COPS3: variants seen among roughly 807,000 people sequenced by gnomAD.
The protein encoded by COPS3 is COP9 signalosome subunit 3.
In COPS3, 10 loss-of-function variants were observed where a neutral mutation model predicts 58.2. That is an observed-to-expected ratio of 0.17 (90% CI 0.11 to 0.29). COPS3 has a LOEUF of 0.29. Among genes scored for constraint, COPS3 ranks in the 10% least tolerant of loss-of-function variants. The pLI, the probability that COPS3 is intolerant of heterozygous loss-of-function variation, is 1.00. For missense variants in COPS3, 333 were observed against 510.1 expected (o/e 0.65, Z 3.34); for synonymous variants, 187 against 181.7 (o/e 1.03, Z -0.24).
chr17:17,254,223 ACTT>A (rs748240871), intron 9 of COPS3, among the ~76,000 whole-genome samples: 12 of 148,800 alleles, frequency 8.1e-5, no homozygotes, highest in Non-Finnish European at 1.8e-4. Context: ...TGGGTGGATT[ACTT>A]AAACCCAGGG....
intron 8 of COPS3, 80 bp from the exon 9 acceptor site, chr17:17,255,025 G>C: frequency 2.1e-6 from 2 of 965,198 alleles, no homozygotes; most frequent in Non-Finnish European, 3.3e-6. Context: ...AGAGCGGCCA[G>C]GCGTGGTGGC....
chr17:17,266,758 C>T (rs2048231224), intron 5 of COPS3, among the ~76,000 whole-genome samples: 1 of 151,508 alleles, frequency 6.6e-6, no homozygotes, highest in South Asian at 2.1e-4. Context: ...TAGATCATGC[C>T]ACTGCACTCC....
At chr17:17,276,839 T>A (rs1044609632) in intron 1 of COPS3, among the ~76,000 whole-genome samples, 1 of 152,074 alleles carries the variant, frequency 6.6e-6, no homozygotes, top group Non-Finnish European at 1.5e-5. Flanking sequence ...ATCATAAATC[T>A]TCTAAATGGT....
At chr17:17,272,866 C>A (rs1395014500) in intron 2 of COPS3, among the ~76,000 whole-genome samples, 1 of 152,168 alleles carries the variant, frequency 6.6e-6, no homozygotes, top group African/African-American at 2.4e-5. Context: ...TAAGCCATTG[C>A]ACTCCAGCCT....
At chr17:17,257,197 C>T (rs2047994776) in intron 8 of COPS3, among the ~76,000 whole-genome samples, 1 of 151,838 alleles carries the variant, frequency 6.6e-6, no homozygotes, top group Non-Finnish European at 1.5e-5. Context: ...AACCCCGTGT[C>T]TACTAAAAAT....
intron 5 of COPS3, 141 bp downstream of exon 5, chr17:17,267,744 T>C (rs772021252): frequency 1.1e-4 from 75 of 655,300 alleles, no homozygotes; most frequent in Non-Finnish European, 1.6e-4. Context: ...CTGAATGTAA[T>C]AGATGTACCT....
intron 1 of COPS3, among the ~76,000 whole-genome samples, chr17:17,278,134 G>C (rs1434452161): frequency 6.6e-6 from 1 of 152,050 alleles, no homozygotes; most frequent in African/African-American, 2.4e-5. Flanking sequence ...CTGGGCAACA[G>C]AGCAAGACTC....
At chr17:17,280,808 T>C (rs1287534927) in intron 1 of COPS3, 3 of 1,246,380 alleles carry the variant, frequency 2.4e-6, no homozygotes, top group Non-Finnish European at 1.0e-6. Flanking sequence ...GAACCAATAG[T>C]CGCCCGAGAT....
At chr17:17,259,699 G>A (rs1218802487) in intron 8 of COPS3, among the ~76,000 whole-genome samples, 3 of 152,020 alleles carry the variant, frequency 2.0e-5, no homozygotes, top group South Asian at 2.1e-4. Context: ...GTTCGAGACC[G>A]CCTGGCCAAC....
At chr17:17,265,680 T>C (rs2048206234) in intron 5 of COPS3, among the ~76,000 whole-genome samples, 1 of 152,202 alleles carries the variant, frequency 6.6e-6, no homozygotes, top group Non-Finnish European at 1.5e-5. Flanking sequence ...ATTACAGGCG[T>C]GAGCCACCTC....
chr17:17,267,215 G>GC (rs1461049267), intron 5 of COPS3, among the ~76,000 whole-genome samples: 1 of 151,220 alleles, frequency 6.6e-6, no homozygotes, highest in Admixed American at 6.6e-5. Context: ...GCGGGCGCCT[G>GC]TAGTCCCAGC....
At chr17:17,277,558 C>T (rs1302066181) in intron 1 of COPS3, among the ~76,000 whole-genome samples, 1 of 151,844 alleles carries the variant, frequency 6.6e-6, no homozygotes, top group Non-Finnish European at 1.5e-5. Context: ...GCTGGAACTA[C>T]AGGTGTACGT....
chr17:17,253,383 A>C (rs940078660), intron 9 of COPS3, among the ~76,000 whole-genome samples: 10 of 152,202 alleles, frequency 6.6e-5, no homozygotes, highest in African/African-American at 2.2e-4. Context: ...GGTAGATTAC[A>C]ATACATCAAT....
intron 4 of COPS3, among the ~76,000 whole-genome samples, chr17:17,268,284 A>G (rs2048271123): frequency 6.6e-6 from 1 of 152,228 alleles, no homozygotes; most frequent in Admixed American, 6.5e-5. Context: ...ATTAACATCT[A>G]AACAAATGAA....
chr17:17,254,353 A>G (rs575260196), intron 9 of COPS3, among the ~76,000 whole-genome samples: 7 of 151,828 alleles, frequency 4.6e-5, no homozygotes, highest in African/African-American at 1.4e-4. Flanking sequence ...CCTGATGTGT[A>G]TATCATATGA....
chr17:17,260,802 C>CA (rs374998521), intron 7 of COPS3: 12,826 of 89,476 alleles, frequency 0.14, 1,016 homozygotes, highest in African/African-American at 0.31. Context: ...AACTCCGTCT[C>CA]AAAAAAAAAA....
At chr17:17,265,102 G>C in intron 5 of COPS3, 121 bp from the exon 6 acceptor site, 1 of 847,670 alleles carries the variant, frequency 1.2e-6, no homozygotes, top group Non-Finnish European at 1.8e-6. Context: ...ACATTTTATT[G>C]ACTAAAATTA....
At position 17,260,471 on chromosome 17, in the gene COPS3, G is replaced by A; in HGVS notation, c.766C>T (p.Leu256Phe). The A allele has an allele frequency of 6.2e-7, 1 of 1,613,942 alleles. No homozygotes were observed. Among genetic ancestry groups the A allele is most frequent in the Non-Finnish European group, 8.5e-7 (1 of 1,179,898 alleles). The change falls in exon 8 of 12, where the codon CTT becomes TTT. Residue 256 changes from leucine (L) to phenylalanine (F), a missense_variant. Coordinates refer to ENST00000268717, the MANE Select transcript of COPS3 (RefSeq NM_003653.4). Reference sequence around the variant, plus strand: ...GCTAACTCGTGGTATGCATTGCTAAGAGGCTAAAGATGCAAAGGAGGGAAA... The same window carrying A: ...GCTAACTCGTGGTATGCATTGCTAAAAGGCTAAAGATGCAAAGGAGGGAAA... ...SQIVGRFIKP[L>F]SNAYHELAQV...
intron 1 of COPS3, chr17:17,280,531 G>A (rs1166250537): frequency 1.8e-5 from 22 of 1,249,238 alleles, no homozygotes; most frequent in Non-Finnish European, 2.3e-5. Context: ...CTGCACTCCA[G>A]CCTCGGCTAA....
Sources: gnomAD v4.1 joint callset for allele counts (sites outside exome capture counted in the v4.1 genomes callset) on GRCh38, gnomAD v4.1.1 for gene constraint, MANE v1.5 for transcripts, NCBI Gene and HGNC (gene_info 2026-07-23, HGNC 2026-07-21) for gene names.